Variants in OTOF observed in about 807,000 individuals in gnomAD.
OTOF encodes the protein fer-1-like family member 2.
A neutral mutation model predicts 236.8 loss-of-function variants in OTOF; 218 were observed. That is an observed-to-expected ratio of 0.92 (90% confidence interval 0.82 to 1.03). The LOEUF (loss-of-function observed/expected upper bound fraction) is 1.03. Among genes scored for constraint, OTOF ranks in the 50% least tolerant of loss-of-function variants. The probability of loss-of-function intolerance (pLI) is 0.00; values close to 1 mark genes in which losing one functional copy is unlikely to be tolerated. For missense variants in OTOF, 2,590 were observed against 2,694.4 expected, an observed-to-expected ratio of 0.96 and a Z score of 0.86; for synonymous variants, 1,041 against 1,072.5, an observed-to-expected ratio of 0.97 and a Z score of 0.57.
chr2:26,466,287 T>A lies in OTOF; in HGVS notation c.4501-211A>T. 3 of 622,100 alleles carry A rather than the reference T, an allele frequency of 4.8e-6. No individual in the cohort carries two copies. In the South Asian group the frequency reaches 5.6e-5, roughly 12 times the overall value. The allele number at this position is 622,100 out of a possible 1,614,324, so 38.5% of individuals were successfully genotyped here. On this transcript the variant is annotated intron_variant, in intron 36 of 46. Transcript: ENST00000272371. The stretch of plus-strand genomic sequence containing the variant: ...TAGAAAAGATAAAGACTAGACCAAA[T>A]GATCTCCCTGGTGCCTCCCAGTCTG...
intron 1 of OTOF, among the ~76,000 whole-genome samples, chr2:26,540,225 C>T (rs1161316267): frequency 6.6e-6 from 1 of 152,218 alleles, no homozygotes; most frequent in Non-Finnish European, 1.5e-5. Flanking sequence ...AGTCACCGCG[C>T]CCAGCCGAAA....
Position 26,470,710 on chromosome 2 carries a change from C to T in OTOF, c.3906G>A (p.Glu1302=). The T allele has an allele frequency of 1.2e-6, 2 of 1,613,532 alleles. No individual in the cohort carries two copies. Among genetic ancestry groups the T allele is most frequent in the Non-Finnish European group, 1.7e-6 (2 of 1,179,940 alleles). The change falls in exon 32 of 47, where the codon GAG becomes GAA. Residue 1302 remains glutamate, a synonymous_variant. Transcript: ENST00000272371. This position sits in a 1 kb window ranked among gnomAD's most constrained non-coding sequence, Gnocchi z 4.3. ...CCTTCTTCTTCTTCTTCTTCTCCTTCTCCTCCTCAGCCTGCAGGTTGGCCA... is the reference window on the plus strand; with the variant it reads ...CCTTCTTCTTCTTCTTCTTCTCCTTTTCCTCCTCAGCCTGCAGGTTGGCCA... ...AVVKVDVAEE[E]KEKKKKKKGT...
intron 2 of OTOF, among the ~76,000 whole-genome samples, chr2:26,534,949 G>A (rs1373703517): frequency 6.6e-6 from 1 of 152,232 alleles, no homozygotes; most frequent in Non-Finnish European, 1.5e-5. Context: ...GGGGAAGCCA[G>A]GGAAGTTTAC....
intron 6 of OTOF, 74 bp downstream of exon 6, chr2:26,503,698 G>C: frequency 3.0e-6 from 4 of 1,352,946 alleles, no homozygotes; most frequent in East Asian, 2.3e-5. Context: ...TTTGGCAGCC[G>C]GGCAGGGGCT....
At chr2:26,525,893 C>A (rs547432657) in intron 3 of OTOF, among the ~76,000 whole-genome samples, 4 of 152,004 alleles carry the variant, frequency 2.6e-5, no homozygotes, top group Non-Finnish European at 4.4e-5. Context: ...TCGATACCAA[C>A]CTGGCCAACA....
Position 26,461,691 on chromosome 2 carries a change from T to C in OTOF, c.5533+5A>G, listed in dbSNP as rs375250903. ...CTGAACCCCCATCCCTGCCCTGCTC[T>C]GCACCCAGGAAGTCGTCAGCGGAGA... On this transcript the variant is annotated splice_donor_5th_base_variant and intron_variant, in intron 43 of 46. Transcript: ENST00000272371. The surrounding 1 kb of genome is among the most constrained non-coding windows in gnomAD (Gnocchi z 6.2). The C allele has an allele frequency of 3.1e-6, 5 of 1,613,828 alleles. No individual in the cohort carries two copies. Among genetic ancestry groups the C allele is most frequent in the Non-Finnish European group, 4.2e-6 (5 of 1,180,020 alleles).
intron 14 of OTOF, among the ~76,000 whole-genome samples, 182 bp downstream of exon 14, chr2:26,482,224 G>A (rs989950371): frequency 2.0e-5 from 3 of 152,110 alleles, no homozygotes; most frequent in Admixed American, 1.3e-4. Flanking sequence ...GCTCTGAGCC[G>A]ACCTGAGCCA....
intron 8 of OTOF, among the ~76,000 whole-genome samples, chr2:26,499,826 G>A (rs1274353298): frequency 6.6e-6 from 1 of 152,132 alleles, no homozygotes; most frequent in Non-Finnish European, 1.5e-5. Flanking sequence ...TGTATGTATT[G>A]GAAGTGAAAA....
At chr2:26,512,854 G>T (rs575746439) in intron 5 of OTOF, among the ~76,000 whole-genome samples, 2 of 152,282 alleles carry the variant, frequency 1.3e-5, no homozygotes, top group East Asian at 3.9e-4. Context: ...TGGATGACTC[G>T]CAGGTGCACC....
At chr2:26,507,598 T>C (rs1194429210) in intron 5 of OTOF, among the ~76,000 whole-genome samples, 1 of 152,186 alleles carries the variant, frequency 6.6e-6, no homozygotes, top group African/African-American at 2.4e-5. Flanking sequence ...AGTTCTACAA[T>C]TACCAAAAAC....
Position 26,489,759 on chromosome 2 carries a change from A to G in OTOF, c.898-19T>C. 1 of 1,605,874 alleles carries G rather than the reference A, an allele frequency of 6.2e-7. No homozygotes were observed. The highest frequency in any genetic ancestry group is 1.1e-5 in the South Asian group (1 of 90,966). On this transcript the variant is annotated intron_variant, in intron 9 of 46. Transcript: ENST00000272371. ...CGAAGTACTGGAGGGGGAAGGATCC[A>G]GGCCTGCTGTCACTGAGGGCAGCAG...
In OTOF at chr2:26,477,472, G is replaced by A; in HGVS notation, c.2350C>T (p.His784Tyr). ...CGGTCAAGCCTGGTGCGGGATGAGT[G>A]GCCCTGGTCCTTGTCAGCGAGGGAG... Reference protein sequence around the residue: ...FLSLADKDQGHSSRTRLDRER... With the variant: ...FLSLADKDQGYSSRTRLDRER... Residue 784 changes from histidine (H) to tyrosine (Y), a missense_variant, in exon 20 of 47, where the codon CAC becomes TAC. Transcript: ENST00000272371. The surrounding 1 kb of genome is among the most constrained non-coding windows in gnomAD (Gnocchi z 4.7). The A allele has an allele frequency of 1.2e-6, 2 of 1,603,916 alleles. No individual in the cohort carries two copies. The highest frequency in any genetic ancestry group is 2.2e-5 in the East Asian group (1 of 44,568).
At chr2:26,506,866 C>G (rs1371751106) in intron 5 of OTOF, among the ~76,000 whole-genome samples, 1 of 152,164 alleles carries the variant, frequency 6.6e-6, no homozygotes, top group Admixed American at 6.5e-5. Flanking sequence ...TGGCACATGC[C>G]TGTAATCCCA....
At chr2:26,525,054 G>A (rs565483589) in intron 3 of OTOF, among the ~76,000 whole-genome samples, 1 of 152,132 alleles carries the variant, frequency 6.6e-6, no homozygotes, top group Non-Finnish European at 1.5e-5. Context: ...CACCCTCATG[G>A]TATCTCACCC....
intron 5 of OTOF, among the ~76,000 whole-genome samples, chr2:26,514,105 AC>A (rs1470117810): frequency 6.6e-6 from 1 of 152,210 alleles, no homozygotes; most frequent in East Asian, 1.9e-4. Flanking sequence ...CTTTTCCACA[AC>A]CAGGCCTGCT....
intron 26 of OTOF, 43 bp from the exon 27 acceptor site, chr2:26,474,153 G>A (rs1366351782): frequency 1.2e-6 from 2 of 1,611,524 alleles, no homozygotes; most frequent in Non-Finnish European, 1.7e-6. Context: ...GGAGCCCAGG[G>A]ACAGGGTCTC....
At chr2:26,530,910 A>C (rs1666931898) in intron 2 of OTOF, among the ~76,000 whole-genome samples, 1 of 152,082 alleles carries the variant, frequency 6.6e-6, no homozygotes, top group Non-Finnish European at 1.5e-5. Flanking sequence ...TCTTGGCTGG[A>C]GGGAAGTGAC....
chr2:26,517,066 C>T (rs901333507), intron 4 of OTOF, among the ~76,000 whole-genome samples: 20 of 152,162 alleles, frequency 1.3e-4, no homozygotes, highest in Non-Finnish European at 2.5e-4. Flanking sequence ...AAGTGGCCTC[C>T]GGGAGAGGAG....
chr2:26,486,677 G>A (rs1404144752), intron 11 of OTOF, among the ~76,000 whole-genome samples: 2 of 152,228 alleles, frequency 1.3e-5, no homozygotes, highest in African/African-American at 4.8e-5. Context: ...TCTAAAATAA[G>A]AAGTAGTGAG....
Sources: gnomAD v4.1 joint callset for allele counts (sites outside exome capture counted in the v4.1 genomes callset) on GRCh38, gnomAD v4.1.1 for gene constraint, Gnocchi (gnomAD v3.1) non-coding constraint, MANE v1.5 for transcripts, NCBI Gene and HGNC (gene_info 2026-07-23, HGNC 2026-07-21) for gene names.